Variants in PDK1 observed in about 807,000 individuals in gnomAD.
PDK1 encodes pyruvate dehydrogenase kinase 1.
Under a neutral mutation model 54.2 loss-of-function variants are expected in PDK1, and 39 were observed. That is an observed-to-expected ratio of 0.72 (90% CI 0.56 to 0.94). PDK1 has a LOEUF of 0.94. PDK1 is among the 40% of genes least tolerant of loss of function. The probability of loss-of-function intolerance (pLI) is 0.00; values close to 1 mark genes in which losing one functional copy is unlikely to be tolerated. For synonymous variants in PDK1, 221 were observed against 207.1 expected (o/e 1.07, Z -0.58); for missense variants, 552 against 566.0 (o/e 0.98, Z 0.25).
chr2:172,627,460 CAG>C, the PDK1 span, among the ~76,000 whole-genome samples: 1 of 152,150 alleles, frequency 6.6e-6, no homozygotes, highest in African/African-American at 2.4e-5. Context: ...CAGCAGAACA[CAG>C]AACATGCTTC....
chr2:172,643,857 A>G, the PDK1 span, among the ~76,000 whole-genome samples: 167 of 152,294 alleles, frequency 1.1e-3, no homozygotes, highest in Admixed American at 1.8e-3. Context: ...TTGATTTAAC[A>G]GTTTAATAGC....
the PDK1 span, among the ~76,000 whole-genome samples, chr2:172,653,603 CA>C: frequency 0.21 from 28,257 of 137,150 alleles, 2,940 homozygotes; most frequent in African/African-American, 0.29. Flanking sequence ...GACTCCATCT[CA>C]AAAAAAAAAA....
chr2:172,684,282 T>G, the PDK1 span, among the ~76,000 whole-genome samples: 1,087 of 152,018 alleles, frequency 7.2e-3, 17 homozygotes, highest in African/African-American at 0.025. Context: ...ATTAGCCAGG[T>G]GTGGTGGTGC....
the PDK1 span, among the ~76,000 whole-genome samples, chr2:172,700,371 G>GAGACGCTCCTCACTTCCCAGA: frequency 6.7e-6 from 1 of 149,972 alleles, no homozygotes; most frequent in Non-Finnish European, 1.5e-5. Context: ...CGGGGTGGCG[G>GAGACGCTCCTCACTTCCCAGA]CGGGGCAGAG....
In PDK1 at chr2:172,586,353, A is replaced by C; in HGVS notation, c.1021A>C (p.Arg341=). The change falls in exon 9 of 11, where the codon AGA becomes CGA. Residue 341 remains arginine, a synonymous_variant. Coordinates refer to ENST00000282077, the MANE Select transcript of PDK1 (RefSeq NM_002610.5). ...CAACTACATGTATTCAACTGCACCA[A>C]GACCTCGTGTTGAGACCTCCCGCGC... is the stretch of plus-strand genomic sequence containing the variant. The part of the protein sequence containing the change: ...LFNYMYSTAP[R]PRVETSRAVP... 6.2e-7 allele frequency: 1 copy of C among 1,612,560 alleles called. No homozygotes were observed. The highest frequency in any genetic ancestry group is 2.2e-5 in the East Asian group (1 of 44,852).
the PDK1 span, among the ~76,000 whole-genome samples, chr2:172,715,376 G>A: frequency 6.6e-6 from 1 of 152,234 alleles, no homozygotes; most frequent in Non-Finnish European, 1.5e-5. Context: ...GCTCTGCAAA[G>A]TGAGTCCCTT....
At chr2:172,571,611 A>G (rs1159458097) in intron 8 of PDK1, among the ~76,000 whole-genome samples, 1 of 151,948 alleles carries the variant, frequency 6.6e-6, no homozygotes. Context: ...GCCTCAAGTG[A>G]TCCTCCCACC....
intron 8 of PDK1, among the ~76,000 whole-genome samples, chr2:172,578,314 G>A (rs1318514755): frequency 6.6e-6 from 1 of 152,106 alleles, no homozygotes; most frequent in Non-Finnish European, 1.5e-5. Context: ...CAAATATGCT[G>A]TTGAACCCCT....
chr2:172,667,968 T>C, the PDK1 span, among the ~76,000 whole-genome samples: 1 of 152,230 alleles, frequency 6.6e-6, no homozygotes, highest in Non-Finnish European at 1.5e-5. Flanking sequence ...AGAGCAAAAG[T>C]CTATGCAGCT....
At chr2:172,665,431 C>T in the PDK1 span, among the ~76,000 whole-genome samples, 998 of 152,276 alleles carry the variant, frequency 6.6e-3, 7 homozygotes, top group Non-Finnish European at 0.011. Context: ...GTTCTGAGGA[C>T]TTATTATTCT....
chr2:172,677,838 A>C, the PDK1 span, among the ~76,000 whole-genome samples: 11 of 152,240 alleles, frequency 7.2e-5, no homozygotes, highest in Non-Finnish European at 1.5e-4. Flanking sequence ...TTATGGATTT[A>C]ATCCAAAACT....
At chr2:172,656,235 G>A in the PDK1 span, among the ~76,000 whole-genome samples, 1,464 of 152,208 alleles carry the variant, frequency 9.6e-3, 24 homozygotes, top group African/African-American at 0.033. Flanking sequence ...TGATAGTGGC[G>A]GAATCCCACA....
At chr2:172,567,444 G>A (rs1216037690) in intron 6 of PDK1, among the ~76,000 whole-genome samples, 1 of 152,198 alleles carries the variant, frequency 6.6e-6, no homozygotes, top group East Asian at 1.9e-4. Context: ...GCCTTGAAGA[G>A]GGATTGATGA....
the PDK1 span, among the ~76,000 whole-genome samples, chr2:172,694,122 T>C: frequency 6.6e-6 from 1 of 152,334 alleles, no homozygotes; most frequent in Admixed American, 6.5e-5. Context: ...AAAGCTACTC[T>C]TTCTCTTTCC....
At chr2:172,671,868 G>A in the PDK1 span, among the ~76,000 whole-genome samples, 1 of 152,136 alleles carries the variant, frequency 6.6e-6, no homozygotes, top group African/African-American at 2.4e-5. Flanking sequence ...AGTAAAAAGT[G>A]AAATACATTT....
chr2:172,642,884 C>T, the PDK1 span, among the ~76,000 whole-genome samples: 19 of 152,168 alleles, frequency 1.2e-4, no homozygotes, highest in African/African-American at 4.6e-4. Flanking sequence ...CCCACTCCTC[C>T]TCCTTCTCTT....
chr2:172,639,288 T>A, the PDK1 span, among the ~76,000 whole-genome samples: 3 of 152,228 alleles, frequency 2.0e-5, no homozygotes, highest in South Asian at 6.2e-4. Context: ...TGGAGGGAGC[T>A]ACACAGTTAC....
chr2:172,641,566 C>T, the PDK1 span, among the ~76,000 whole-genome samples: 3 of 151,896 alleles, frequency 2.0e-5, no homozygotes, highest in Non-Finnish European at 4.4e-5. Context: ...CTCAGCCTCC[C>T]GAGTAGCTGG....
At chr2:172,680,657 G>A in the PDK1 span, among the ~76,000 whole-genome samples, 1 of 152,122 alleles carries the variant, frequency 6.6e-6, no homozygotes, top group Admixed American at 6.5e-5. Flanking sequence ...GTGTGCTATC[G>A]TGGCTGGCCC....
Sources: gnomAD v4.1 joint callset for allele counts (sites outside exome capture counted in the v4.1 genomes callset) on GRCh38, gnomAD v4.1.1 for gene constraint, MANE v1.5 for transcripts, NCBI Gene and HGNC (gene_info 2026-07-23, HGNC 2026-07-21) for gene names.